Variants in ADGRF5 observed in about 807,000 individuals in gnomAD.
ADGRF5 encodes G-protein coupled receptor 116.
ADGRF5 carries 75 observed loss-of-function variants against 132.3 expected under a neutral mutation model. The observed-to-expected ratio is 0.57, with a 90% confidence interval of 0.47 to 0.69. The LOEUF is 0.69. Ranked by LOEUF, ADGRF5 falls within the 30% of genes least tolerant of loss-of-function variation. The probability of loss-of-function intolerance (pLI) is 0.00; values close to 1 mark genes in which losing one functional copy is unlikely to be tolerated. For synonymous variants in ADGRF5, 629 were observed against 597.6 expected, an observed-to-expected ratio of 1.05 and a Z score of -0.77; for missense variants, 1,516 against 1,630.6, an observed-to-expected ratio of 0.93 and a Z score of 1.21.
At chr6:46,935,592 G>C (rs1582063049) in intron 1 of ADGRF5, among the ~76,000 whole-genome samples, 1 of 152,158 alleles carries the variant, frequency 6.6e-6, no homozygotes, top group African/African-American at 2.4e-5. Flanking sequence ...AGTGGAGAGA[G>C]AGCTCATATT....
chr6:46,888,569 GA>G, intron 3 of ADGRF5, 64 bp from the exon 4 acceptor site: 1 of 1,130,524 alleles, frequency 8.8e-7, no homozygotes, highest in Non-Finnish European at 1.3e-6. Context: ...GATCATGATG[GA>G]TATTTCAGCA....
intron 11 of ADGRF5, among the ~76,000 whole-genome samples, chr6:46,869,726 G>T (rs993123769): frequency 1.3e-5 from 2 of 152,138 alleles, no homozygotes; most frequent in East Asian, 1.9e-4. Context: ...GCCCAAATAT[G>T]AGTTGGTTTA....
In ADGRF5 at chr6:46,871,245, AT is replaced by A. The variant is rs528620328; in HGVS notation, c.1411+597del. ...ACGTGGGGTGAAATTATAATGCTTT[AT>A]GATATAGGGAGAAATGACAATTTTA... On this transcript the variant is annotated intron_variant, in intron 11 of 20. Coordinates refer to ENST00000283296, the MANE Select transcript of ADGRF5 (RefSeq NM_001098518.2). Among the ~76,000 whole-genome samples the A allele has an allele frequency of 2.2e-3, 341 of 152,264 alleles. 3 individuals are homozygous for A. The highest frequency in any genetic ancestry group is 7.7e-3 in the African/African-American group (320 of 41,574).
At chr6:46,890,757 T>TA (rs1161989260) in intron 3 of ADGRF5, among the ~76,000 whole-genome samples, 4 of 152,174 alleles carry the variant, frequency 2.6e-5, no homozygotes, top group African/African-American at 9.7e-5. Flanking sequence ...TGAATACTTA[T>TA]AAAATGATTA....
In ADGRF5 at chr6:46,906,724, A is replaced by C. The variant is rs759318818; in HGVS notation, c.39T>G (p.Phe13Leu). Residue 13 changes from phenylalanine (F) to leucine (L), a missense_variant, in exon 2 of 21, where the codon TTT becomes TTG. This residue lies in a region of ADGRF5 where 945 missense variants were observed against 929.4 expected (regional missense o/e 1.02). Transcript: ENST00000283296. ...CAGCTTTGGAAGAATAAATCACAAT[A>C]AACATGAGGCACAAAGTGGTTCTCC... ...SPRRTTLCLM[F>L]IVIYSSKAAL... 4.4e-6 allele frequency: 7 copies of C among 1,608,808 alleles called. No individual in the cohort carries two copies. Among genetic ancestry groups the C allele is most frequent in the Non-Finnish European group, 6.0e-6 (7 of 1,175,260 alleles).
chr6:46,865,097 G>C lies in ADGRF5; in HGVS notation c.1935C>G (p.Thr645=). 6.2e-7 allele frequency: 1 copy of C among 1,610,216 alleles called. No homozygotes were observed. The part of the protein sequence containing the change: ...SKTVDVCCHF[T]NAANNSVWSP... ...TCCAGACTGAATTATTAGCAGCATT[G>C]GTAAAGTGACAACACACATCAACAG... The change falls in exon 14 of 21, where the codon ACC becomes ACG. Residue 645 remains threonine, a synonymous_variant. Transcript: ENST00000283296.
intron 1 of ADGRF5, among the ~76,000 whole-genome samples, chr6:46,933,418 C>A (rs2150937217): frequency 1.3e-5 from 2 of 152,316 alleles, no homozygotes. Context: ...CCACTGAATT[C>A]TCTGTCTCCC....
At chr6:46,865,503 C>T (rs754350174) in intron 13 of ADGRF5, among the ~76,000 whole-genome samples, 1 of 152,200 alleles carries the variant, frequency 6.6e-6, no homozygotes, top group African/African-American at 2.4e-5. Context: ...AGCATTTATC[C>T]TATTCTGCCT....
At chr6:46,947,414 C>T (rs1778336600) in intron 1 of ADGRF5, among the ~76,000 whole-genome samples, 2 of 152,236 alleles carry the variant, frequency 1.3e-5, no homozygotes. Context: ...TATTTCCTCT[C>T]CATTAACACA....
At position 46,868,899 on chromosome 6, in the gene ADGRF5, C is replaced by T. The variant is rs751358399; in HGVS notation, c.1605G>A (p.Ser535=). The part of the protein sequence containing the change: ...GAESVLTVKT[S]TREWNGTYHC... Reference sequence around the variant, plus strand: ...TTCACTCACCATTCCACTCCCTGGTCGAGGTCTTGACTGTCAGTACTGATT... The same window carrying T: ...TTCACTCACCATTCCACTCCCTGGTTGAGGTCTTGACTGTCAGTACTGATT... The change falls in exon 12 of 21, where the codon TCG becomes TCA. Residue 535 remains serine (S), a synonymous_variant. Coordinates refer to ENST00000283296, the MANE Select transcript of ADGRF5 (RefSeq NM_001098518.2). 7 of 1,609,334 alleles carry T rather than the reference C, an allele frequency of 4.3e-6. No individual in the cohort carries two copies. The highest frequency in any genetic ancestry group is 1.7e-5 in the Admixed American group (1 of 59,984).
upstream of ADGRF5, among the ~76,000 whole-genome samples, chr6:46,922,559 G>A (rs551499077): frequency 2.7e-4 from 41 of 152,308 alleles, no homozygotes; most frequent in Non-Finnish European, 5.0e-4. Flanking sequence ...CCAGGTTGCT[G>A]GGTTTAAAGA....
rs9381487 is a variant in ADGRF5 at position 46,859,242 on chromosome 6, A to G, written c.2661T>C (p.Tyr887=). Residue 887 remains tyrosine, a synonymous_variant, in exon 17 of 21, where the codon TAT becomes TAC. Transcript: ENST00000283296. ...LWGNVVIDKS[Y]LENLQSDSSI... ...ACGAATCCGACTGCAAGTTTTCTAG[A>G]TAGCTCTTGTCAATGACCACATTGC... 0.22 allele frequency: 356,506 copies of G among 1,613,572 alleles called. 42,418 individuals carry two copies. Among genetic ancestry groups the G allele is most frequent in the East Asian group, 0.38 (17,014 of 44,868 alleles).
intron 1 of ADGRF5, among the ~76,000 whole-genome samples, chr6:46,917,430 A>G (rs1002723433): frequency 3.3e-5 from 5 of 152,214 alleles, no homozygotes; most frequent in African/African-American, 1.2e-4. Flanking sequence ...AGACTGCCTG[A>G]GATGGAATCT....
At chr6:46,939,995 C>A (rs1324539078) in intron 1 of ADGRF5, among the ~76,000 whole-genome samples, 1 of 151,806 alleles carries the variant, frequency 6.6e-6, no homozygotes, top group Non-Finnish European at 1.5e-5. Context: ...ATTTCAAGGG[C>A]CCAGTTTTAT....
intron 6 of ADGRF5, among the ~76,000 whole-genome samples, chr6:46,882,943 G>A (rs1772642519): frequency 1.3e-5 from 2 of 152,162 alleles, no homozygotes; most frequent in South Asian, 4.1e-4. Context: ...CATTATCTCA[G>A]CCCACCTGTA....
At chr6:46,883,496 G>A in intron 6 of ADGRF5, 63 bp downstream of exon 6, 1 of 779,112 alleles carries the variant, frequency 1.3e-6, no homozygotes, top group Non-Finnish European at 2.2e-6. Context: ...CATTGTGAAT[G>A]CAATAGACTC....
In ADGRF5 at chr6:46,853,860, T is replaced by C. The variant is rs1415900057; in HGVS notation, c.*132A>G. ...TTTACAAAAGAAAGCCTCTTCTCTA[T>C]GAAAAAGTCTTTTTGGCATCTGCTC... On this transcript the variant is annotated 3_prime_UTR_variant, in exon 21 of 21. Coordinates refer to ENST00000283296, the MANE Select transcript of ADGRF5 (RefSeq NM_001098518.2). 1.1e-5 allele frequency: 7 copies of C among 642,008 alleles called. No individual in the cohort carries two copies. The highest frequency in any genetic ancestry group is 3.6e-5 in the South Asian group (2 of 56,004). The allele number at this position is 642,008 out of a possible 1,614,324, so 39.8% of individuals were successfully genotyped here.
rs567423870 is a variant in ADGRF5 at position 46,872,115 on chromosome 6, A to T, written c.1241-102T>A. Reference sequence around the variant, plus strand: ...TTTTTCATAAAAGGAGTTACTATTTAAATAGATTTCTTCTCTGAATGGAGA... The same window carrying T: ...TTTTTCATAAAAGGAGTTACTATTTTAATAGATTTCTTCTCTGAATGGAGA... On this transcript the variant is annotated intron_variant, in intron 10 of 20. Transcript: ENST00000283296. The T allele has an allele frequency of 2.4e-4, 187 of 767,568 alleles. 4 individuals carry two copies. In the South Asian group the frequency reaches 4.2e-3, roughly 17 times the overall value. The allele number at this position is 767,568 out of a possible 1,614,324, so 47.5% of individuals were successfully genotyped here.
intron 8 of ADGRF5, among the ~76,000 whole-genome samples, chr6:46,880,776 G>A (rs1460053161): frequency 6.6e-6 from 1 of 152,010 alleles, no homozygotes; most frequent in Non-Finnish European, 1.5e-5. Context: ...TGGGATCACT[G>A]CCTTATCATT....
Sources: gnomAD v4.1 joint callset for allele counts (sites outside exome capture counted in the v4.1 genomes callset) on GRCh38, gnomAD v4.1.1 for gene constraint, gnomAD v4.1.1 regional missense constraint, MANE v1.5 for transcripts, NCBI Gene and HGNC (gene_info 2026-07-23, HGNC 2026-07-21) for gene names.